Variants in MCPH1 observed in about 807,000 individuals in gnomAD.
MCPH1 encodes microcephalin 1.
A neutral mutation model predicts 84.5 loss-of-function variants in MCPH1; 104 were observed. The ratio of observed to expected loss-of-function variants is 1.23; its 90% CI spans 1.05 to 1.45. The LOEUF is 1.45. MCPH1 is among the 40% of genes most tolerant of loss of function. The probability of loss-of-function intolerance (pLI) is 0.00; values close to 1 mark genes in which losing one functional copy is unlikely to be tolerated. For synonymous variants in MCPH1, 514 were observed against 366.8 expected (o/e 1.40, Z -4.58); for missense variants, 1,498 against 1,005.7 (o/e 1.49, Z -6.62).
At chr8:6,592,633 T>TTTTTTTTTTTTTTTG (rs1828576638) in intron 12 of MCPH1, among the ~76,000 whole-genome samples, 1 of 142,240 alleles carries the variant, frequency 7.0e-6, no homozygotes, top group Non-Finnish European at 1.5e-5. Context: ...GTTTTTTTTT[T>TTTTTTTTTTTTTTTG]TTTTTTTTTT....
In MCPH1 at chr8:6,640,812, T is replaced by G. The variant is rs191246429; in HGVS notation, c.2453-2182T>G. Among the ~76,000 whole-genome samples, 67 of 152,336 alleles carry G rather than the reference T, an allele frequency of 4.4e-4. No homozygotes were observed. The East Asian group carries it at 8.1e-3, about 18-fold the overall frequency. Reference sequence around the variant, plus strand: ...TCCTATTTATAGTTTTAAAAAATATTTAGACCTTTAATGCATGTGCATTTC... The same window carrying G: ...TCCTATTTATAGTTTTAAAAAATATGTAGACCTTTAATGCATGTGCATTTC... On this transcript the variant is annotated intron_variant, in intron 13 of 13. Coordinates refer to ENST00000344683, the MANE Select transcript of MCPH1 (RefSeq NM_024596.5).
intron 12 of MCPH1, among the ~76,000 whole-genome samples, chr8:6,576,273 A>G (rs3020242): frequency 0.13 from 19,538 of 152,044 alleles, 1,690 homozygotes; most frequent in African/African-American, 0.25. Flanking sequence ...CAGCCACCCT[A>G]TAAAAGAAGG....
In MCPH1 at chr8:6,414,773, A is replaced by T; in HGVS notation, c.123A>T (p.Lys41Asn). The change falls in exon 3 of 14, where the codon AAA (lysine) becomes AAT (asparagine). Residue 41 changes from lysine (K) to asparagine (N), a missense_variant. By Grantham distance (94) the Lys-to-Asn change is moderately conservative. Transcript: ENST00000344683. ...QLVDMGAKVS[K>N]TFNKQVTHVI... Reference sequence around the variant, plus strand: ...CTGCATTTTGTCTACAGGTTTCAAAAACTTTTAACAAACAAGTAACTCACG... The same window carrying T: ...CTGCATTTTGTCTACAGGTTTCAAATACTTTTAACAAACAAGTAACTCACG... 6.2e-7 allele frequency: 1 copy of T among 1,613,772 alleles called. No homozygotes were observed. The highest frequency in any genetic ancestry group is 2.2e-5 in the East Asian group (1 of 44,862).
In MCPH1 at chr8:6,480,833, T is replaced by G. The variant is rs777514420; in HGVS notation, c.2093T>G (p.Leu698Arg). 1 of 1,614,198 alleles carries G rather than the reference T, an allele frequency of 6.2e-7. No individual in the cohort carries two copies. Among genetic ancestry groups the G allele is most frequent in the Non-Finnish European group, 8.5e-7 (1 of 1,180,044 alleles). ...AAGCCACTTCGCACCCTGAATGTGCTGCTGGGAATTGCGCGTGGCTGCTGG... is the reference window on the plus strand; with the variant it reads ...AAGCCACTTCGCACCCTGAATGTGCGGCTGGGAATTGCGCGTGGCTGCTGG... The part of the protein sequence containing the change: ...SGKPLRTLNV[L>R]LGIARGCWVL... The change falls in exon 11 of 14, where the codon CTG (leucine) becomes CGG (arginine). Residue 698 changes from leucine to arginine, a missense_variant. Transcript: ENST00000344683.
chr8:6,451,775 A>G (rs1353594181), intron 8 of MCPH1, among the ~76,000 whole-genome samples: 1 of 152,206 alleles, frequency 6.6e-6, no homozygotes, highest in Non-Finnish European at 1.5e-5. Flanking sequence ...ATAATTTCAT[A>G]TTCAAATTTT....
chr8:6,631,334 A>T (rs181815980), intron 13 of MCPH1, among the ~76,000 whole-genome samples: 1 of 152,348 alleles, frequency 6.6e-6, no homozygotes, highest in African/African-American at 2.4e-5. Context: ...AAATTGCACT[A>T]TATACAAATT....
At chr8:6,500,811 G>A (rs183443022) in intron 12 of MCPH1, 2 of 152,132 alleles carry the variant, frequency 1.3e-5, no homozygotes, top group Non-Finnish European at 2.9e-5. Context: ...CCCCATTCTC[G>A]CTCATAAGAG....
intron 11 of MCPH1, among the ~76,000 whole-genome samples, chr8:6,484,230 A>AAG (rs2129560241): frequency 6.6e-6 from 1 of 152,374 alleles, no homozygotes; most frequent in South Asian, 2.1e-4. Context: ...GAACAGCTCA[A>AAG]ACAAAAAATG....
At chr8:6,512,182 C>G (rs965211512) in intron 12 of MCPH1, among the ~76,000 whole-genome samples, 2 of 152,166 alleles carry the variant, frequency 1.3e-5, no homozygotes, top group Admixed American at 6.5e-5. Context: ...ATCTGTTTCT[C>G]AAACATGCTT....
chr8:6,640,298 A>T (rs1407561853), intron 13 of MCPH1, among the ~76,000 whole-genome samples: 1 of 152,196 alleles, frequency 6.6e-6, no homozygotes, highest in Non-Finnish European at 1.5e-5. Flanking sequence ...ACAAGGCTGC[A>T]GCAATTTACA....
Position 6,455,203 on chromosome 8 carries a change from A to C in MCPH1, c.1886A>C (p.Asp629Ala), listed in dbSNP as rs1238777728. ...VLDDSCDGFK[D>A]LIKPHEELKK... is the part of the protein sequence containing the mutation. Reference sequence around the variant, plus strand: ...GATGACTCATGTGACGGCTTTAAGGACCTCATCAAACCTCATGAGGAATTG... The same window carrying C: ...GATGACTCATGTGACGGCTTTAAGGCCCTCATCAAACCTCATGAGGAATTG... Residue 629 changes from aspartate (D) to alanine (A), a missense_variant, in exon 9 of 14, where the codon GAC becomes GCC. Coordinates refer to ENST00000344683, the MANE Select transcript of MCPH1 (RefSeq NM_024596.5). 6.2e-7 allele frequency: 1 copy of C among 1,614,050 alleles called. No individual in the cohort carries two copies.
intron 11 of MCPH1, among the ~76,000 whole-genome samples, chr8:6,492,407 C>T (rs1480283729): frequency 6.6e-6 from 1 of 151,554 alleles, no homozygotes; most frequent in African/African-American, 2.4e-5. Context: ...CAAAAATTTT[C>T]TCACATTCTG....
chr8:6,480,370 C>T (rs766721519), intron 10 of MCPH1, among the ~76,000 whole-genome samples: 42 of 152,232 alleles, frequency 2.8e-4, no homozygotes, highest in African/African-American at 9.4e-4. Flanking sequence ...CCACCCGCCT[C>T]GGCCTCCCAA....
At chr8:6,580,607 T>C (rs1827488615) in intron 12 of MCPH1, among the ~76,000 whole-genome samples, 1 of 152,142 alleles carries the variant, frequency 6.6e-6, no homozygotes, top group Non-Finnish European at 1.5e-5. Flanking sequence ...GCTGTGATCA[T>C]GCCACTGCAC....
At chr8:6,587,547 C>G (rs985952553) in intron 12 of MCPH1, among the ~76,000 whole-genome samples, 1 of 152,156 alleles carries the variant, frequency 6.6e-6, no homozygotes, top group African/African-American at 2.4e-5. Context: ...TTCCAGTTTT[C>G]ACTGTTATGA....
intron 12 of MCPH1, among the ~76,000 whole-genome samples, chr8:6,611,130 T>TGACACA (rs1554477026): frequency 6.7e-6 from 1 of 149,738 alleles, no homozygotes; most frequent in Non-Finnish European, 1.5e-5. Context: ...ACACACACAC[T>TGACACA]CACACACACA....
chr8:6,477,315 G>C (rs988356925), intron 9 of MCPH1: 1 of 416,870 alleles, frequency 2.4e-6, no homozygotes, highest in Non-Finnish European at 4.3e-6. Flanking sequence ...GAGGTCTGCT[G>C]GCTAACTGGT....
At chr8:6,408,920 C>G (rs527419607) in intron 1 of MCPH1, among the ~76,000 whole-genome samples, 8 of 151,964 alleles carry the variant, frequency 5.3e-5, no homozygotes, top group East Asian at 3.9e-4. Flanking sequence ...GGGTCTCGCC[C>G]TGTCACCCAG....
At chr8:6,593,786 G>A (rs1039863884) in intron 12 of MCPH1, among the ~76,000 whole-genome samples, 1 of 152,170 alleles carries the variant, frequency 6.6e-6, no homozygotes, top group Non-Finnish European at 1.5e-5. Flanking sequence ...TTGTCGCATA[G>A]GACTTCTCAA....
Sources: gnomAD v4.1 joint callset for allele counts (sites outside exome capture counted in the v4.1 genomes callset) on GRCh38, gnomAD v4.1.1 for gene constraint, MANE v1.5 for transcripts, NCBI Gene and HGNC (gene_info 2026-07-23, HGNC 2026-07-21) for gene names.